Variants in HIGD1A observed in about 807,000 individuals in gnomAD.
HIGD1A encodes HIG1 domain family member 1A, mitochondrial.
In HIGD1A, 8 loss-of-function variants were observed where a neutral mutation model predicts 11.3. The ratio of observed to expected loss-of-function variants is 0.71; its 90% CI spans 0.42 to 1.28. The LOEUF (loss-of-function observed/expected upper bound fraction) is 1.28, where lower values mean the gene tolerates loss of function less well. HIGD1A is among the 50% of genes most tolerant of loss of function. HIGD1A has a pLI of 0.01. For synonymous variants in HIGD1A, 32 were observed against 38.4 expected, an observed-to-expected ratio of 0.83 and a Z score of 0.62; for missense variants, 107 against 118.8, an observed-to-expected ratio of 0.90 and a Z score of 0.46.
At chr3:42,801,260 TG>T (rs1379128266) in intron 1 of HIGD1A, among the ~76,000 whole-genome samples, 1 of 152,228 alleles carries the variant, frequency 6.6e-6, no homozygotes, top group African/African-American at 2.4e-5. Context: ...ACACTGCCAC[TG>T]GGTGCCACCA....
chr3:42,786,410 T>C (rs1254094690), intron 2 of HIGD1A, among the ~76,000 whole-genome samples: 2 of 152,176 alleles, frequency 1.3e-5, no homozygotes, highest in African/African-American at 4.8e-5. Context: ...GATAAACTCC[T>C]TTAAAAAACT....
intron 2 of HIGD1A, among the ~76,000 whole-genome samples, chr3:42,791,090 G>A (rs932267117): frequency 6.6e-6 from 1 of 152,192 alleles, no homozygotes; most frequent in African/African-American, 2.4e-5. Context: ...TACAGTAGTT[G>A]AGTAACAAAT....
At chr3:42,795,124 C>T (rs895386944) in intron 1 of HIGD1A, among the ~76,000 whole-genome samples, 1 of 151,686 alleles carries the variant, frequency 6.6e-6, no homozygotes, top group Admixed American at 6.6e-5. Flanking sequence ...TTAGTAGAGA[C>T]AGGGTTTCAC....
intron 1 of HIGD1A, among the ~76,000 whole-genome samples, chr3:42,801,295 A>T (rs1700557585): frequency 6.6e-6 from 1 of 152,174 alleles, no homozygotes; most frequent in South Asian, 2.1e-4. Flanking sequence ...TTCACATCTT[A>T]ATTGACCTCC....
intron 1 of HIGD1A, among the ~76,000 whole-genome samples, chr3:42,795,077 T>G (rs1290600192): frequency 6.6e-6 from 1 of 151,768 alleles, no homozygotes; most frequent in Non-Finnish European, 1.5e-5. Context: ...CAACCTCCAT[T>G]TGGCACACAC....
At chr3:42,787,594 A>AAAAAAAAAAT (rs1383516264) in intron 2 of HIGD1A, among the ~76,000 whole-genome samples, 2,256 of 141,114 alleles carry the variant, frequency 0.016, 147 homozygotes, top group East Asian at 0.11. Flanking sequence ...CCATCTCAAA[A>AAAAAAAAAAT]ATATATATAT....
intron 3 of HIGD1A, 75 bp downstream of exon 3, chr3:42,785,953 A>C: frequency 1.4e-6 from 2 of 1,387,002 alleles, no homozygotes; most frequent in Non-Finnish European, 2.0e-6. Context: ...GTCAGCTAAA[A>C]ATATTTACCT....
In HIGD1A at chr3:42,782,931, T is replaced by C. The variant is rs1700297568; in HGVS notation, c.*2340A>G. Reference sequence around the variant, plus strand: ...GCTTCTCTATAGCAATACTTTAATATTCCAAAGAAAAATATGAACTGAGAA... The same window carrying C: ...GCTTCTCTATAGCAATACTTTAATACTCCAAAGAAAAATATGAACTGAGAA... On this transcript the variant is annotated 3_prime_UTR_variant, in exon 4 of 4. Coordinates refer to ENST00000321331, the MANE Select transcript of HIGD1A (RefSeq NM_014056.4). Among the ~76,000 whole-genome samples the C allele has an allele frequency of 1.3e-5, 2 of 152,210 alleles. No individual in the cohort carries two copies. Among genetic ancestry groups the C allele is most frequent in the Admixed American group, 1.3e-4 (2 of 15,274 alleles).
intron 1 of HIGD1A, among the ~76,000 whole-genome samples, chr3:42,803,475 G>T (rs1162015573): frequency 2.0e-5 from 3 of 152,196 alleles, no homozygotes; most frequent in African/African-American, 7.2e-5. Context: ...GAATCTTTAA[G>T]AAGCCCCTTC....
rs866255174 is a variant in HIGD1A at position 42,794,360 on chromosome 3, T to C, written c.-22-85A>G. On this transcript the variant is annotated intron_variant, in intron 1 of 3. Coordinates refer to ENST00000321331, the MANE Select transcript of HIGD1A (RefSeq NM_014056.4). ...TGGATGTATTTAAAATATTCCTAAC[T>C]TCCATGAGAATCTTAGTATATGTTA... The C allele has an allele frequency of 5.5e-5, 68 of 1,239,476 alleles. No individual in the cohort carries two copies. The Middle Eastern group carries it at 2.7e-3, about 49-fold the overall frequency. The allele number at this position is 1,239,476 out of a possible 1,614,324, so 76.8% of individuals were successfully genotyped here.
At chr3:42,791,797 A>T (rs1700424929) in intron 2 of HIGD1A, among the ~76,000 whole-genome samples, 1 of 152,114 alleles carries the variant, frequency 6.6e-6, no homozygotes, top group Non-Finnish European at 1.5e-5. Context: ...GTATTTCATA[A>T]TGACTTAAAT....
At chr3:42,800,516 T>G (rs1262003175) in intron 1 of HIGD1A, among the ~76,000 whole-genome samples, 2 of 152,072 alleles carry the variant, frequency 1.3e-5, no homozygotes, top group Non-Finnish European at 2.9e-5. Flanking sequence ...TTGTGAGAGT[T>G]TCCCTCCCTT....
chr3:42,787,264 TAAG>T (rs1398384882), intron 2 of HIGD1A, among the ~76,000 whole-genome samples: 1 of 151,616 alleles, frequency 6.6e-6, no homozygotes, highest in African/African-American at 2.4e-5. Context: ...GCAAGCAGTG[TAAG>T]AATAGCCGCA....
Position 42,786,160 on chromosome 3 carries a change from T to C in HIGD1A, c.100A>G (p.Ile34Val), listed in dbSNP as rs1336463816. 5.0e-6 allele frequency: 8 copies of C among 1,614,028 alleles called. No homozygotes were observed. Among genetic ancestry groups the C allele is most frequent in the African/African-American group, 4.0e-5 (3 of 74,948 alleles). Reference sequence around the variant, plus strand: ...GCAACAATTGCTGCAAAACCCGCTATTCCTGTAAAACAAAGTAACAAGTAT... The same window carrying C: ...GCAACAATTGCTGCAAAACCCGCTACTCCTGTAAAACAAAGTAACAAGTAT... ...AKEAPFVPVG[I>V]AGFAAIVAYG... The change falls in exon 3 of 4, where the codon ATA becomes GTA. Residue 34 changes from isoleucine (I) to valine (V), a missense_variant and splice_region_variant. Coordinates refer to ENST00000321331, the MANE Select transcript of HIGD1A (RefSeq NM_014056.4).
chr3:42,783,686 T>C lies in HIGD1A; in HGVS notation c.*1585A>G, dbSNP rs1700309765. On this transcript the variant is annotated 3_prime_UTR_variant, in exon 4 of 4. Coordinates refer to ENST00000321331, the MANE Select transcript of HIGD1A (RefSeq NM_014056.4). Reference sequence around the variant, plus strand: ...CAATAATATATCGACCAGAACTGGTTAGTAGAGGAGGAGGGAAGGAAGAAA... The same window carrying C: ...CAATAATATATCGACCAGAACTGGTCAGTAGAGGAGGAGGGAAGGAAGAAA... 2.0e-5 allele frequency among the ~76,000 whole-genome samples: 3 copies of C among 152,266 alleles called. No individual in the cohort carries two copies. Among genetic ancestry groups the C allele is most frequent in the African/African-American group, 7.2e-5 (3 of 41,554 alleles).
intron 1 of HIGD1A, among the ~76,000 whole-genome samples, chr3:42,803,561 C>G (rs1700597045): frequency 2.0e-5 from 3 of 152,202 alleles, no homozygotes; most frequent in Admixed American, 2.0e-4. Context: ...AGCTTCATGA[C>G]CAGGTTGTCA....
At chr3:42,794,082 T>C in intron 2 of HIGD1A, 75 bp downstream of exon 2, 9 of 1,409,934 alleles carry the variant, frequency 6.4e-6, no homozygotes, top group Non-Finnish European at 8.7e-6. Flanking sequence ...ATACATTCTT[T>C]CAGGATATTG....
chr3:42,801,179 T>C (rs552756798), intron 1 of HIGD1A, among the ~76,000 whole-genome samples: 2 of 152,284 alleles, frequency 1.3e-5, no homozygotes, highest in African/African-American at 2.4e-5. Flanking sequence ...GTTTAATTAA[T>C]GTACTAGTCT....
At chr3:42,787,277 A>C (rs1700363091) in intron 2 of HIGD1A, among the ~76,000 whole-genome samples, 1 of 152,086 alleles carries the variant, frequency 6.6e-6, no homozygotes, top group Non-Finnish European at 1.5e-5. Flanking sequence ...GAATAGCCGC[A>C]GAACTTCCAA....
Sources: gnomAD v4.1 joint callset for allele counts (sites outside exome capture counted in the v4.1 genomes callset) on GRCh38, gnomAD v4.1.1 for gene constraint, MANE v1.5 for transcripts, NCBI Gene and HGNC (gene_info 2026-07-23, HGNC 2026-07-21) for gene names.